The following SAMMSON variants were observed in gnomAD, a reference collection of about 807,000 sequenced individuals.
SAMMSON encodes long intergenic non-protein coding RNA 1212.
At chr3:70,320,710 C>A (rs1049273479) in intron 7 of SAMMSON, among the ~76,000 whole-genome samples, 2 of 152,000 alleles carry the variant, frequency 1.3e-5, no homozygotes, top group African/African-American at 4.8e-5. Flanking sequence ...AGACTGTGTC[C>A]GAAATGGGTC....
intron 6 of SAMMSON, among the ~76,000 whole-genome samples, chr3:70,254,616 A>C (rs1701797368): frequency 6.6e-6 from 1 of 152,174 alleles, no homozygotes; most frequent in Non-Finnish European, 1.5e-5. Flanking sequence ...AGTGGAAAAC[A>C]ATTTTCCACT....
At chr3:70,382,831 A>T (rs1217466917) in intron 9 of SAMMSON, among the ~76,000 whole-genome samples, 1 of 152,182 alleles carries the variant, frequency 6.6e-6, no homozygotes, top group Non-Finnish European at 1.5e-5. Flanking sequence ...CAAACAGTTC[A>T]TACACATAGC....
chr3:70,418,725 C>A (rs182965740), intron 2 of SAMMSON, among the ~76,000 whole-genome samples: 1 of 152,214 alleles, frequency 6.6e-6, no homozygotes, highest in Admixed American at 6.5e-5. Context: ...AGTACAAGCC[C>A]ATTCTCTGAA....
chr3:70,196,431 AATTTTTAATT>A (rs1395933840), intron 4 of SAMMSON, among the ~76,000 whole-genome samples: 6 of 152,194 alleles, frequency 3.9e-5, no homozygotes, highest in Non-Finnish European at 8.8e-5. Flanking sequence ...TGTATAAATA[AATTTTTAATT>A]ACAAAATGAT....
chr3:70,373,430 A>G (rs964503082), intron 9 of SAMMSON, among the ~76,000 whole-genome samples: 4 of 151,878 alleles, frequency 2.6e-5, no homozygotes, highest in Non-Finnish European at 4.4e-5. Flanking sequence ...TTTGACTGTA[A>G]TATGTCTTGG....
At chr3:70,102,244 A>G (rs2067349040) in intron 4 of SAMMSON, among the ~76,000 whole-genome samples, 1 of 152,216 alleles carries the variant, frequency 6.6e-6, no homozygotes, top group Non-Finnish European at 1.5e-5. Context: ...CTTAGCAATA[A>G]TAATATAACT....
At chr3:70,406,415 A>G (rs1701178868) in intron 2 of SAMMSON, among the ~76,000 whole-genome samples, 1 of 152,180 alleles carries the variant, frequency 6.6e-6, no homozygotes. Context: ...ACTTCAAGAA[A>G]TGTTAAAGGA....
At chr3:70,112,294 A>G (rs1357079523) in intron 4 of SAMMSON, among the ~76,000 whole-genome samples, 2 of 152,166 alleles carry the variant, frequency 1.3e-5, no homozygotes, top group Non-Finnish European at 2.9e-5. Flanking sequence ...CAATGCTGGG[A>G]GAAAGAACTA....
chr3:70,041,498 A>T (rs773417900), intron 3 of SAMMSON, among the ~76,000 whole-genome samples: 1 of 152,126 alleles, frequency 6.6e-6, no homozygotes, highest in Non-Finnish European at 1.5e-5. Context: ...AAACATGGTG[A>T]TAATAGATGA....
intron 7 of SAMMSON, among the ~76,000 whole-genome samples, chr3:70,342,625 T>C (rs1010444924): frequency 3.3e-5 from 5 of 152,208 alleles, no homozygotes; most frequent in Admixed American, 1.3e-4. Context: ...AAGTGTCTTT[T>C]AGGAATTCTG....
At chr3:70,178,009 A>G (rs1701020178) in intron 4 of SAMMSON, among the ~76,000 whole-genome samples, 1 of 152,196 alleles carries the variant, frequency 6.6e-6, no homozygotes, top group South Asian at 2.1e-4. Flanking sequence ...ATATATCTAT[A>G]AACACTCCCT....
chr3:70,126,067 A>G, intron 4 of SAMMSON: 1 of 1,118,452 alleles, frequency 8.9e-7, no homozygotes, highest in Admixed American at 2.0e-5. Flanking sequence ...AAGGACCTGT[A>G]CATAGAACTT....
intron 9 of SAMMSON, among the ~76,000 whole-genome samples, chr3:70,384,317 C>T (rs146267643): frequency 1.2e-3 from 185 of 151,846 alleles, no homozygotes; most frequent in Admixed American, 1.7e-3. Context: ...ATTTTAAAAC[C>T]TCCTGAAAAA....
At chr3:70,037,255 T>C (rs2067088663) in intron 3 of SAMMSON, among the ~76,000 whole-genome samples, 1 of 152,120 alleles carries the variant, frequency 6.6e-6, no homozygotes, top group Non-Finnish European at 1.5e-5. Context: ...ATTCACACTG[T>C]CCTTCCCCTC....
intron 4 of SAMMSON, among the ~76,000 whole-genome samples, chr3:70,148,112 A>G (rs1368462219): frequency 6.6e-6 from 1 of 152,124 alleles, no homozygotes; most frequent in Admixed American, 6.6e-5. Context: ...GAAAGGCTAT[A>G]ATTAAATACC....
At chr3:70,264,928 G>A (rs567455488) in intron 6 of SAMMSON, among the ~76,000 whole-genome samples, 1 of 152,306 alleles carries the variant, frequency 6.6e-6, no homozygotes, top group African/African-American at 2.4e-5. Context: ...ACATGGCTGG[G>A]GATGCCTCAC....
chr3:70,372,953 T>A (rs1403486108), intron 9 of SAMMSON, among the ~76,000 whole-genome samples: 1 of 152,170 alleles, frequency 6.6e-6, no homozygotes, highest in African/African-American at 2.4e-5. Context: ...TTTATAATTG[T>A]TTTAAAATCT....
At chr3:70,278,005 T>C (rs971832916) in intron 6 of SAMMSON, among the ~76,000 whole-genome samples, 1 of 152,128 alleles carries the variant, frequency 6.6e-6, no homozygotes, top group African/African-American at 2.4e-5. Flanking sequence ...GTATATACAT[T>C]GATCCGTTTT....
At chr3:70,147,479 T>G (rs1179325064) in intron 4 of SAMMSON, among the ~76,000 whole-genome samples, 1 of 152,052 alleles carries the variant, frequency 6.6e-6, no homozygotes, top group African/African-American at 2.4e-5. Context: ...CGTAGATGAC[T>G]GGAATATAGT....
Sources: allele counts gnomAD v4.1 joint callset (sites outside exome capture counted in the v4.1 genomes callset), GRCh38; gene constraint gnomAD v4.1.1; transcripts MANE v1.5; gene names NCBI Gene and HGNC (gene_info 2026-07-23, HGNC 2026-07-21).